The following HACD2 variants were observed in gnomAD, a reference collection of about 807,000 sequenced individuals.
HACD2 encodes the protein very-long-chain (3R)-3-hydroxyacyl-CoA dehydratase 2.
A neutral mutation model predicts 31.0 loss-of-function variants in HACD2; 15 were observed. The observed-to-expected ratio is 0.48, with a 90% CI of 0.32 to 0.75. The LOEUF is 0.75. Among genes scored for constraint, HACD2 ranks in the 30% least tolerant of loss-of-function variants. HACD2 has a pLI of 0.03. For missense variants in HACD2, 283 were observed against 313.0 expected, an observed-to-expected ratio of 0.90 and a Z score of 0.72; for synonymous variants, 115 against 122.2, an observed-to-expected ratio of 0.94 and a Z score of 0.39.
chr3:123,507,867 G>T (rs140033106), intron 4 of HACD2, among the ~76,000 whole-genome samples: 271 of 152,210 alleles, frequency 1.8e-3, no homozygotes, highest in African/African-American at 6.3e-3. Flanking sequence ...ACTTAACATG[G>T]TTGAATTTTG....
chr3:123,573,472 A>G (rs902009594), intron 2 of HACD2, among the ~76,000 whole-genome samples: 7 of 152,154 alleles, frequency 4.6e-5, no homozygotes, highest in African/African-American at 1.7e-4. Flanking sequence ...GGTGTGTTCA[A>G]TTCAGCTCCA....
chr3:123,542,918 A>T lies in HACD2; in HGVS notation c.293-14444T>A, dbSNP rs571672514. On this transcript the variant is annotated intron_variant, in intron 3 of 6. Coordinates refer to ENST00000383657, the MANE Select transcript of HACD2 (RefSeq NM_198402.5). ...GAATCGTTAAAATGGATGGAATCAC[A>T]TCAAATATGTTAAAAGCTATGAGAT... Among the ~76,000 whole-genome samples, 301 of 152,388 alleles carry T rather than the reference A, an allele frequency of 2.0e-3. 1 individual carries two copies. The highest frequency in any genetic ancestry group is 3.5e-3 in the Non-Finnish European group (237 of 68,038).
chr3:123,513,764 A>C (rs908823571), intron 4 of HACD2, among the ~76,000 whole-genome samples: 2 of 152,146 alleles, frequency 1.3e-5, no homozygotes, highest in African/African-American at 4.8e-5. Context: ...CCATTCCAGA[A>C]TGGAGAAAAA....
At chr3:123,499,472 C>T in intron 6 of HACD2, 1 of 364,452 alleles carries the variant, frequency 2.7e-6, no homozygotes, top group South Asian at 2.1e-5. Context: ...GAACTGTATC[C>T]AAGAATTTCT....
intron 3 of HACD2, among the ~76,000 whole-genome samples, chr3:123,556,992 G>A (rs1455887729): frequency 2.0e-5 from 3 of 152,154 alleles, no homozygotes; most frequent in East Asian, 1.9e-4. Context: ...ATACTGTAAA[G>A]GGAATAAAAA....
chr3:123,568,467 C>G (rs1217610901), intron 2 of HACD2, among the ~76,000 whole-genome samples: 2 of 152,210 alleles, frequency 1.3e-5, no homozygotes, highest in Non-Finnish European at 2.9e-5. Flanking sequence ...TGGGGTTCAA[C>G]AGTCCTTCCT....
intron 1 of HACD2, among the ~76,000 whole-genome samples, chr3:123,583,053 A>T (rs2056983135): frequency 6.6e-6 from 1 of 152,240 alleles, no homozygotes; most frequent in South Asian, 2.1e-4. Context: ...GTCTCCTGGA[A>T]GGATTTAGAT....
At chr3:123,582,011 T>G (rs974166692) in intron 2 of HACD2, among the ~76,000 whole-genome samples, 1 of 152,158 alleles carries the variant, frequency 6.6e-6, no homozygotes, top group African/African-American at 2.4e-5. Flanking sequence ...TAAAATACAT[T>G]CAAGGTAACC....
At chr3:123,524,049 T>A (rs1470930100) in intron 4 of HACD2, among the ~76,000 whole-genome samples, 3 of 152,236 alleles carry the variant, frequency 2.0e-5, no homozygotes, top group African/African-American at 4.8e-5. Flanking sequence ...CTCTAAGGTT[T>A]TCATTCTTCA....
chr3:123,565,593 G>T (rs955367), intron 3 of HACD2, among the ~76,000 whole-genome samples: 3,728 of 152,218 alleles, frequency 0.024, 64 homozygotes, highest in Middle Eastern at 0.086. Context: ...ATAAATTTTT[G>T]TTATTTATAA....
chr3:123,570,853 A>G (rs1483249497), intron 2 of HACD2, among the ~76,000 whole-genome samples: 1 of 152,026 alleles, frequency 6.6e-6, no homozygotes, highest in African/African-American at 2.4e-5. Context: ...TACTTTTAGG[A>G]CAAAACAGAA....
chr3:123,511,638 TC>T (rs2056064724), intron 4 of HACD2, among the ~76,000 whole-genome samples: 1 of 152,110 alleles, frequency 6.6e-6, no homozygotes, highest in African/African-American at 2.4e-5. Flanking sequence ...CCCAGAGGTA[TC>T]TTTAATATGT....
At chr3:123,509,703 G>A (rs1000285218) in intron 4 of HACD2, among the ~76,000 whole-genome samples, 1 of 152,014 alleles carries the variant, frequency 6.6e-6, no homozygotes, top group Non-Finnish European at 1.5e-5. Flanking sequence ...GTTTCACCGT[G>A]TTAGCCAGGA....
chr3:123,515,744 T>A (rs191383696), intron 4 of HACD2, among the ~76,000 whole-genome samples: 267 of 152,062 alleles, frequency 1.8e-3, no homozygotes, highest in African/African-American at 6.0e-3. Context: ...GATATTTGGA[T>A]GAGTATGTTG....
chr3:123,570,672 A>G (rs2056844031), intron 2 of HACD2, among the ~76,000 whole-genome samples: 2 of 152,196 alleles, frequency 1.3e-5, no homozygotes, highest in African/African-American at 2.4e-5. Flanking sequence ...AAAGTATCAC[A>G]GAAAATCTAT....
intron 3 of HACD2, among the ~76,000 whole-genome samples, chr3:123,533,698 C>T (rs139648329): frequency 2.6e-5 from 4 of 152,194 alleles, no homozygotes; most frequent in Non-Finnish European, 4.4e-5. Flanking sequence ...ATTTGTGGAG[C>T]GCCTACTCTG....
intron 3 of HACD2, among the ~76,000 whole-genome samples, chr3:123,547,849 T>A (rs2056577859): frequency 1.3e-5 from 2 of 152,196 alleles, no homozygotes; most frequent in African/African-American, 4.8e-5. Flanking sequence ...CCTTTACTTA[T>A]ATTAATTAAT....
intron 3 of HACD2, among the ~76,000 whole-genome samples, chr3:123,547,997 A>G (rs896751443): frequency 6.6e-6 from 1 of 152,086 alleles, no homozygotes; most frequent in African/African-American, 2.4e-5. Context: ...AAAGCCAGGC[A>G]GTCTGGCTTC....
At chr3:123,526,568 T>A in intron 4 of HACD2, among the ~76,000 whole-genome samples, 1 of 152,198 alleles carries the variant, frequency 6.6e-6, no homozygotes, top group African/African-American at 2.4e-5. Context: ...AATGATATGT[T>A]AATGTTAGCA....
Sources: allele counts gnomAD v4.1 joint callset (sites outside exome capture counted in the v4.1 genomes callset), GRCh38; gene constraint gnomAD v4.1.1; transcripts MANE v1.5; gene names NCBI Gene and HGNC (gene_info 2026-07-23, HGNC 2026-07-21).